Variants in ARID1B observed in about 807,000 individuals in gnomAD.
ARID1B encodes AT-rich interaction domain 1B, also known as AT-rich interactive domain-containing protein 1B.
In ARID1B, 30 loss-of-function variants were observed where a neutral mutation model predicts 212.3. That is an observed-to-expected ratio of 0.14 (90% CI 0.11 to 0.19). ARID1B has a LOEUF of 0.19. Among genes scored for constraint, ARID1B ranks in the 10% least tolerant of loss-of-function variants. The probability of loss-of-function intolerance (pLI) is 1.00; values close to 1 mark genes in which losing one functional copy is unlikely to be tolerated. For missense variants in ARID1B, 2,891 were observed against 3,204.0 expected, an observed-to-expected ratio of 0.90 and a Z score of 2.36; for synonymous variants, 1,402 against 1,301.7, an observed-to-expected ratio of 1.08 and a Z score of -1.66.
In ARID1B at chr6:157,030,710, C is replaced by T. The variant is rs150515849; in HGVS notation, c.2248-53952C>T. 6.6e-5 allele frequency among the ~76,000 whole-genome samples: 10 copies of T among 152,274 alleles called. No individual in the cohort carries two copies. In the East Asian group the frequency reaches 9.6e-4, roughly 15 times the overall value. ...GGAGATCATGTGAGCATATCACTTG[C>T]GGTGAAAAGTGTAATTATGTTAACA... On this transcript the variant is annotated intron_variant, in intron 4 of 19. Transcript: ENST00000636930.
At chr6:156,803,712 G>C (rs1355334856) in intron 1 of ARID1B, among the ~76,000 whole-genome samples, 1 of 148,976 alleles carries the variant, frequency 6.7e-6, no homozygotes, top group East Asian at 2.0e-4. Flanking sequence ...TGGGTTAGTT[G>C]TAAGTGTCCC....
intron 4 of ARID1B, among the ~76,000 whole-genome samples, chr6:157,003,888 G>A (rs935016224): frequency 9.2e-5 from 14 of 151,668 alleles, no homozygotes; most frequent in East Asian, 7.8e-4. Context: ...CACTTTGGCC[G>A]AGAGTTCAAG....
chr6:157,125,896 C>T (rs1788103757), intron 6 of ARID1B, among the ~76,000 whole-genome samples: 1 of 152,178 alleles, frequency 6.6e-6, no homozygotes, highest in South Asian at 2.1e-4. Flanking sequence ...TAAGTTGCTT[C>T]GTAATTTTAG....
At chr6:157,075,469 T>C (rs1784244242) in intron 4 of ARID1B, among the ~76,000 whole-genome samples, 1 of 152,252 alleles carries the variant, frequency 6.6e-6, no homozygotes, top group African/African-American at 2.4e-5. Flanking sequence ...TGTTTATTCT[T>C]GTCTGGTTTT....
chr6:157,161,700 C>G (rs971407503), intron 8 of ARID1B, among the ~76,000 whole-genome samples: 1 of 152,108 alleles, frequency 6.6e-6, no homozygotes, highest in Non-Finnish European at 1.5e-5. Context: ...TAAAGTAACA[C>G]ATTTAGAAAT....
intron 6 of ARID1B, among the ~76,000 whole-genome samples, chr6:157,116,169 A>G (rs1334699700): frequency 6.6e-6 from 1 of 152,238 alleles, no homozygotes; most frequent in Non-Finnish European, 1.5e-5. Context: ...GAGTAGATAA[A>G]TAAGTATAAT....
chr6:156,871,133 T>G (rs1297907013), intron 2 of ARID1B, among the ~76,000 whole-genome samples: 1 of 152,268 alleles, frequency 6.6e-6, no homozygotes, highest in African/African-American at 2.4e-5. Context: ...CTGTCATCGT[T>G]TCTCCTTTCT....
chr6:156,894,298 A>ATGGGGGCCGGGGGGTGGGGG (rs1788208456), intron 2 of ARID1B, among the ~76,000 whole-genome samples: 4 of 18,610 alleles, frequency 2.1e-4, no homozygotes, highest in Admixed American at 7.8e-4. Context: ...GGGGGTTGGG[A>ATGGGGGCCGGGGGGTGGGGG]TGGGGGCCGG....
intron 7 of ARID1B, among the ~76,000 whole-genome samples, chr6:157,144,466 A>G (rs996912477): frequency 1.5e-4 from 23 of 152,244 alleles, no homozygotes; most frequent in Non-Finnish European, 2.6e-4. Flanking sequence ...AATGGCATGA[A>G]TATATGAATT....
chr6:156,829,547 A>T, intron 2 of ARID1B, 126 bp downstream of exon 2: 3 of 1,087,608 alleles, frequency 2.8e-6, no homozygotes, highest in Non-Finnish European at 3.8e-6. Flanking sequence ...TTTAATTTTT[A>T]TTGTTTCTTT....
rs1040718788 is a variant in ARID1B, at chr6:157,206,510, A to G, written c.5738A>G (p.Lys1913Arg). Residue 1913 changes from lysine (K) to arginine (R), a missense_variant, in exon 20 of 20, where the codon AAG (lysine) becomes AGG (arginine). Physicochemically the swap from Lys to Arg is conservative, Grantham distance 26. Coordinates refer to ENST00000636930, the MANE Select transcript of ARID1B (RefSeq NM_001374828.1). This position sits in a 1 kb window ranked among gnomAD's most constrained non-coding sequence, Gnocchi z 6.8. Reference sequence around the variant, plus strand: ...AGTAAGTTCGACAAGCTGCCAATAAAGATAGTCAAAAAGAACAACCTGTTT... The same window carrying G: ...AGTAAGTTCGACAAGCTGCCAATAAGGATAGTCAAAAAGAACAACCTGTTT... ...QASKFDKLPI[K>R]IVKKNNLFVV... 1 of 1,614,190 alleles carries G rather than the reference A, an allele frequency of 6.2e-7. No individual in the cohort carries two copies. The highest frequency in any genetic ancestry group is 8.5e-7 in the Non-Finnish European group (1 of 1,180,042).
chr6:156,936,965 C>T (rs1792285013), intron 4 of ARID1B: 1 of 152,092 alleles, frequency 6.6e-6, no homozygotes, highest in South Asian at 2.1e-4. Flanking sequence ...AGGATGTCTA[C>T]TGTCTTTGAA....
chr6:156,894,630 T>TGTC (rs1788241542), intron 2 of ARID1B, among the ~76,000 whole-genome samples: 1 of 152,198 alleles, frequency 6.6e-6, no homozygotes, highest in Non-Finnish European at 1.5e-5. Context: ...TTTAGGACAA[T>TGTC]GCCAAGTATT....
intron 4 of ARID1B, among the ~76,000 whole-genome samples, chr6:156,997,659 G>GTT (rs60189073): frequency 3.6e-4 from 46 of 127,000 alleles, no homozygotes; most frequent in African/African-American, 7.8e-4. Flanking sequence ...ATTTTAACTT[G>GTT]TTTTTTTTTT....
intron 8 of ARID1B, among the ~76,000 whole-genome samples, chr6:157,159,025 C>G (rs1262607601): frequency 1.3e-5 from 2 of 152,132 alleles, no homozygotes; most frequent in African/African-American, 4.8e-5. Flanking sequence ...ACCAAACCCC[C>G]AAAGTTCTGG....
chr6:156,974,342 C>T (rs1217919755), intron 4 of ARID1B, among the ~76,000 whole-genome samples: 1 of 152,096 alleles, frequency 6.6e-6, no homozygotes, highest in Admixed American at 6.5e-5. Flanking sequence ...GCAAGGGAAG[C>T]ATTATTGACT....
chr6:157,074,886 G>C (rs1389116455), intron 4 of ARID1B, among the ~76,000 whole-genome samples: 1 of 152,132 alleles, frequency 6.6e-6, no homozygotes, highest in African/African-American at 2.4e-5. Context: ...CTTGTGGAGA[G>C]GTAGTATGGT....
chr6:157,081,697 G>A (rs560587001), intron 4 of ARID1B, among the ~76,000 whole-genome samples: 18 of 152,240 alleles, frequency 1.2e-4, no homozygotes, highest in African/African-American at 4.3e-4. Context: ...ATGCCCATCC[G>A]TGTCACTTTT....
chr6:156,868,882 TTGTTTTGCTAA>T (rs546843327), intron 2 of ARID1B, among the ~76,000 whole-genome samples: 178 of 152,324 alleles, frequency 1.2e-3, no homozygotes, highest in African/African-American at 4.2e-3. Context: ...TAACGGTACT[TTGTTTTGCTAA>T]TGTGAAAGAA....
Sources: allele counts gnomAD v4.1 joint callset (sites outside exome capture counted in the v4.1 genomes callset), GRCh38; gene constraint gnomAD v4.1.1; non-coding constraint Gnocchi (gnomAD v3.1); transcripts MANE v1.5; gene names NCBI Gene and HGNC (gene_info 2026-07-23, HGNC 2026-07-21).